The following PCBP3 variants were observed in gnomAD, a reference collection of about 807,000 sequenced individuals.
The protein encoded by PCBP3 is poly(rC) binding protein 3, also known as poly(rC)-binding protein 3.
PCBP3 carries 25 observed loss-of-function variants against 52.7 expected under a neutral mutation model. The observed-to-expected ratio is 0.47, with a 90% CI of 0.35 to 0.66. The LOEUF is 0.66. PCBP3 is among the 30% of genes least tolerant of loss of function. PCBP3 has a pLI of 0.01. For synonymous variants in PCBP3, 162 were observed against 183.0 expected, an observed-to-expected ratio of 0.89 and a Z score of 0.93; for missense variants, 391 against 490.3, an observed-to-expected ratio of 0.80 and a Z score of 1.91.
At chr21:45,776,568 A>T (rs965477731) in intron 4 of PCBP3, among the ~76,000 whole-genome samples, 10 of 151,822 alleles carry the variant, frequency 6.6e-5, no homozygotes, top group African/African-American at 2.2e-4. Flanking sequence ...ATATATATAT[A>T]TATTTAGAAT....
chr21:45,753,334 G>A lies in PCBP3; in HGVS notation c.-161-2083G>A, dbSNP rs149533255. On this transcript the variant is annotated intron_variant, in intron 3 of 17. Transcript: ENST00000681687. ...ATAAATTGAACCTTTTAATCTTTAT[G>A]TAATGTAGTCTATCCTGATAATGCT... 2.0e-4 allele frequency among the ~76,000 whole-genome samples: 30 copies of A among 151,600 alleles called. 1 individual carries two copies. The East Asian group carries it at 5.4e-3, about 27-fold the overall frequency.
rs987142696 is a variant in PCBP3, at chr21:45,917,580, C to T, written c.676-8C>T. The T allele has an allele frequency of 1.7e-5, 28 of 1,612,450 alleles. No homozygotes were observed. Among genetic ancestry groups the T allele is most frequent in the Non-Finnish European group, 2.4e-5 (28 of 1,178,946 alleles). Reference sequence around the variant, plus strand: ...TTGCAGTCTGACGGGGTCTCTCTCTCTCTCTAGGCCTACACAATCCAGGGA... The same window carrying T: ...TTGCAGTCTGACGGGGTCTCTCTCTTTCTCTAGGCCTACACAATCCAGGGA... On this transcript the variant is annotated splice_region_variant and splice_polypyrimidine_tract_variant and intron_variant, in intron 12 of 17. Transcript: ENST00000681687. The surrounding 1 kb of genome is among the most constrained non-coding windows in gnomAD (Gnocchi z 5.3).
chr21:45,713,845 C>T (rs1037045893), intron 2 of PCBP3, among the ~76,000 whole-genome samples: 1 of 152,216 alleles, frequency 6.6e-6, no homozygotes, highest in African/African-American at 2.4e-5. Context: ...TTGTCTTGGC[C>T]CTGCTTCTGA....
intron 4 of PCBP3, among the ~76,000 whole-genome samples, chr21:45,764,318 C>G (rs953687646): frequency 2.6e-5 from 4 of 152,094 alleles, no homozygotes; most frequent in African/African-American, 9.7e-5. Context: ...AATGGGGTTT[C>G]TCCATGTTGG....
rs769231271 is a variant in PCBP3 at position 45,935,274 on chromosome 21, C to T, written c.878C>T (p.Ala293Val). 2 of 1,613,216 alleles carry T rather than the reference C, an allele frequency of 1.2e-6. No individual in the cohort carries two copies. The change falls in exon 16 of 18, where the codon GCC becomes GTC. Residue 293 changes from alanine (A) to valine (V), a missense_variant. Coordinates refer to ENST00000681687, the MANE Select transcript of PCBP3 (RefSeq NM_001384156.1). ...QSSGLDASPPASTHELTIPND... is the reference protein window; with the variant it reads ...QSSGLDASPPVSTHELTIPND... The stretch of plus-strand genomic sequence containing the variant: ...CCAGGTCTGGACGCCAGCCCACCGG[C>T]CAGCACTCATGAGCTCACCATTCCC...
chr21:45,663,092 G>A (rs550227218), intron 1 of PCBP3, among the ~76,000 whole-genome samples: 1 of 152,244 alleles, frequency 6.6e-6, no homozygotes, highest in East Asian at 1.9e-4. Context: ...TCTGCCTTCT[G>A]ACAACAGTAG....
intron 4 of PCBP3, among the ~76,000 whole-genome samples, chr21:45,806,607 A>G (rs1007628331): frequency 6.6e-6 from 1 of 152,032 alleles, no homozygotes; most frequent in Non-Finnish European, 1.5e-5. Context: ...CAACCTTGAA[A>G]GGTGGGTATT....
At chr21:45,760,350 A>G (rs2088512420) in intron 4 of PCBP3, 1 of 152,174 alleles carries the variant, frequency 6.6e-6, no homozygotes, top group African/African-American at 2.4e-5. Context: ...TACTAAAAGC[A>G]TTTCTAAAGG....
In PCBP3 at chr21:45,870,603, G is replaced by T. The variant is rs139419067; in HGVS notation, c.10+20508G>T. Among the ~76,000 whole-genome samples the T allele has an allele frequency of 3.7e-4, 57 of 152,306 alleles. 1 individual carries two copies. The East Asian group carries it at 9.1e-3, about 24-fold the overall frequency. ...CTCTGGTTGGCTGGAAGCTCCTGGGGTCTGAAGTGATGAGGCCTGGCCCTG... is the reference window on the plus strand; with the variant it reads ...CTCTGGTTGGCTGGAAGCTCCTGGGTTCTGAAGTGATGAGGCCTGGCCCTG... On this transcript the variant is annotated intron_variant, in intron 5 of 17. Coordinates refer to ENST00000681687, the MANE Select transcript of PCBP3 (RefSeq NM_001384156.1).
At chr21:45,926,395 G>A (rs190880504) in intron 13 of PCBP3, among the ~76,000 whole-genome samples, 144 of 152,324 alleles carry the variant, frequency 9.5e-4, no homozygotes, top group African/African-American at 3.3e-3. Context: ...CATTATTTTA[G>A]TGTATTCCTT....
chr21:45,774,271 G>T (rs1265379587), intron 4 of PCBP3, among the ~76,000 whole-genome samples: 1 of 151,978 alleles, frequency 6.6e-6, no homozygotes, highest in African/African-American at 2.4e-5. Flanking sequence ...GCTGGGCGTG[G>T]TGGTGCGTGC....
At chr21:45,727,420 GGAAGAAA>G (rs1269601221) in intron 2 of PCBP3, among the ~76,000 whole-genome samples, 1 of 152,208 alleles carries the variant, frequency 6.6e-6, no homozygotes, top group Non-Finnish European at 1.5e-5. Context: ...CTGTCATGAA[GGAAGAAA>G]GTGTTTGTAC....
chr21:45,831,732 A>G (rs2093455396), intron 4 of PCBP3, among the ~76,000 whole-genome samples: 4 of 152,136 alleles, frequency 2.6e-5, no homozygotes, highest in Non-Finnish European at 2.9e-5. Flanking sequence ...TTTATTTTAG[A>G]CAGAGTTTCG....
chr21:45,792,403 C>T (rs2091663955), intron 4 of PCBP3, among the ~76,000 whole-genome samples: 1 of 152,164 alleles, frequency 6.6e-6, no homozygotes, highest in Admixed American at 6.5e-5. Context: ...CCCAGGAAGC[C>T]CCTCTGGGAT....
intron 4 of PCBP3, among the ~76,000 whole-genome samples, chr21:45,757,411 A>G (rs2088165284): frequency 6.6e-6 from 1 of 152,140 alleles, no homozygotes; most frequent in African/African-American, 2.4e-5. Context: ...TTAAATATAT[A>G]TATTCTGGAT....
At position 45,930,838 on chromosome 21, in the gene PCBP3, G is replaced by T. The variant is rs770318711; in HGVS notation, c.849G>T (p.Gln283His). The T allele has an allele frequency of 6.2e-7, 1 of 1,609,304 alleles. No homozygotes were observed. The highest frequency in any genetic ancestry group is 8.5e-7 in the Non-Finnish European group (1 of 1,176,140). Residue 283 changes from glutamine (Q) to histidine (H), a missense_variant, in exon 15 of 18, where the codon CAG becomes CAT. Physicochemically the swap from Gln to His is conservative, Grantham distance 24. Transcript: ENST00000681687. ...SSEEAQNLMG[Q>H]SSGLDASPPA... ...AAGAAGCTCAAAATCTGATGGGCCA[G>T]TCATCAGGTAACACAAAGCCACACT...
rs181810901 is a variant in PCBP3 at position 45,686,243 on chromosome 21, A to G, written c.-200+17291A>G. On this transcript the variant is annotated intron_variant, in intron 2 of 17. Transcript: ENST00000681687. The stretch of plus-strand genomic sequence containing the variant: ...TAAGATGAACAATTCACATTGCTCA[A>G]CAGAGGTTCGGGAGACAATTAGAGT... Among the ~76,000 whole-genome samples the G allele has an allele frequency of 6.0e-3, 920 of 152,286 alleles. 5 individuals carry two copies. The highest frequency in any genetic ancestry group is 8.8e-3 in the Non-Finnish European group (596 of 68,026).
intron 1 of PCBP3, among the ~76,000 whole-genome samples, chr21:45,646,367 T>C (rs1448159578): frequency 6.6e-6 from 1 of 152,172 alleles, no homozygotes. Flanking sequence ...GTTTTGTTGC[T>C]TGAGTATGGG....
chr21:45,896,465 C>T (rs1194612111), intron 6 of PCBP3, 103 bp downstream of exon 6: 1 of 1,119,696 alleles, frequency 8.9e-7, no homozygotes, highest in African/African-American at 1.6e-5. Context: ...GCAGACATGG[C>T]ACATAGAACC....
Sources: gnomAD v4.1 joint callset for allele counts (sites outside exome capture counted in the v4.1 genomes callset) on GRCh38, gnomAD v4.1.1 for gene constraint, Gnocchi (gnomAD v3.1) non-coding constraint, MANE v1.5 for transcripts, NCBI Gene and HGNC (gene_info 2026-07-23, HGNC 2026-07-21) for gene names.